The following MEIKIN variants were observed in gnomAD, a reference collection of about 807,000 sequenced individuals.
MEIKIN encodes the protein meiotic kinetochore factor.
chr5:131,855,573 G>A (rs550087612), intron 9 of MEIKIN, among the ~76,000 whole-genome samples: 6 of 151,582 alleles, frequency 4.0e-5, no homozygotes, highest in Non-Finnish European at 7.4e-5. Context: ...AGGAGATGAA[G>A]GAAGAGGTAG....
intron 12 of MEIKIN, among the ~76,000 whole-genome samples, chr5:131,809,393 G>A (rs1772910228): frequency 6.6e-6 from 1 of 152,202 alleles, no homozygotes; most frequent in Non-Finnish European, 1.5e-5. Flanking sequence ...TAGAACAATG[G>A]TTCTGTGTCA....
rs567755642 is a variant in MEIKIN at position 131,855,284 on chromosome 5, G to T, written c.775-450C>A. ...TGGAGCTGTGAAATATATGTAGCAA[G>T]GATAATTGGTTTAAAATATATAACG... On this transcript the variant is annotated intron_variant, in intron 9 of 12. Transcript: ENST00000442687. Among the ~76,000 whole-genome samples, 12 of 152,182 alleles carry T rather than the reference G, an allele frequency of 7.9e-5. No homozygotes were observed. The South Asian group carries it at 2.5e-3, about 32-fold the overall frequency.
intron 8 of MEIKIN, among the ~76,000 whole-genome samples, chr5:131,883,039 T>C (rs1262525311): frequency 6.6e-6 from 1 of 152,234 alleles, no homozygotes; most frequent in Non-Finnish European, 1.5e-5. Context: ...ATATATTTAT[T>C]TATCTGTTTA....
intron 5 of MEIKIN, among the ~76,000 whole-genome samples, chr5:131,931,320 A>G (rs1751687345): frequency 6.6e-6 from 1 of 152,226 alleles, no homozygotes; most frequent in Non-Finnish European, 1.5e-5. Context: ...CCGAGGGAGA[A>G]GCTGGAATCT....
intron 11 of MEIKIN, among the ~76,000 whole-genome samples, chr5:131,821,495 A>G (rs1455951301): frequency 6.6e-6 from 1 of 152,098 alleles, no homozygotes; most frequent in African/African-American, 2.4e-5. Flanking sequence ...ATGTTCTATA[A>G]ATATCTATTA....
intron 8 of MEIKIN, among the ~76,000 whole-genome samples, chr5:131,890,906 G>T (rs1163154817): frequency 6.6e-6 from 1 of 152,128 alleles, no homozygotes; most frequent in African/African-American, 2.4e-5. Flanking sequence ...CAGAGAGTCT[G>T]GTATTTTGTG....
intron 12 of MEIKIN, among the ~76,000 whole-genome samples, chr5:131,809,238 C>T (rs1025612784): frequency 5.3e-5 from 8 of 152,066 alleles, no homozygotes; most frequent in Non-Finnish European, 1.0e-4. Flanking sequence ...AATGAGTGAA[C>T]CAAATAACTG....
intron 8 of MEIKIN, 116 bp from the exon 9 acceptor site, chr5:131,879,164 A>G: frequency 2.5e-6 from 1 of 392,502 alleles, no homozygotes; most frequent in Non-Finnish European, 4.5e-6. Flanking sequence ...AAAACCCCTG[A>G]TTTTAATGAC....
At chr5:131,925,835 T>C (rs1019498141) in intron 5 of MEIKIN, among the ~76,000 whole-genome samples, 1 of 151,930 alleles carries the variant, frequency 6.6e-6, no homozygotes, top group African/African-American at 2.4e-5. Flanking sequence ...TGCTGGCTTA[T>C]TTTTGTATTT....
intron 11 of MEIKIN, among the ~76,000 whole-genome samples, chr5:131,844,814 T>TA (rs1439196929): frequency 2.0e-5 from 3 of 152,022 alleles, no homozygotes; most frequent in African/African-American, 4.8e-5. Flanking sequence ...GCTAAGACAT[T>TA]AAAAAACAAC....
intron 11 of MEIKIN, among the ~76,000 whole-genome samples, chr5:131,849,782 A>T (rs956500933): frequency 1.3e-5 from 2 of 151,952 alleles, no homozygotes; most frequent in African/African-American, 4.8e-5. Flanking sequence ...AAAGGCAAGG[A>T]TGTCTGCATT....
chr5:131,907,520 A>G (rs753650356), intron 8 of MEIKIN, among the ~76,000 whole-genome samples: 101 of 151,128 alleles, frequency 6.7e-4, no homozygotes, highest in Non-Finnish European at 1.2e-3. Flanking sequence ...ATTAGTATCT[A>G]CTATGAGCAA....
intron 7 of MEIKIN, among the ~76,000 whole-genome samples, chr5:131,912,709 G>A (rs1304868109): frequency 1.3e-5 from 2 of 152,058 alleles, no homozygotes; most frequent in African/African-American, 2.4e-5. Flanking sequence ...TGAACTTTCA[G>A]GTAGATTTCT....
intron 10 of MEIKIN, among the ~76,000 whole-genome samples, chr5:131,853,413 T>C (rs79490112): frequency 1.6e-3 from 237 of 152,252 alleles, no homozygotes; most frequent in African/African-American, 5.6e-3. Flanking sequence ...AAGAGGAACA[T>C]TGGATATTTG....
chr5:131,854,297 G>C (rs905026040), intron 10 of MEIKIN, among the ~76,000 whole-genome samples: 6 of 152,124 alleles, frequency 3.9e-5, no homozygotes, highest in Non-Finnish European at 8.8e-5. Context: ...CAAATTTATA[G>C]AAACAGAAAG....
intron 12 of MEIKIN, among the ~76,000 whole-genome samples, chr5:131,811,760 C>A (rs1359275297): frequency 2.0e-5 from 3 of 152,178 alleles, no homozygotes; most frequent in Non-Finnish European, 4.4e-5. Flanking sequence ...GTGCCCATCA[C>A]CACGCCCAGC....
intron 9 of MEIKIN, among the ~76,000 whole-genome samples, chr5:131,873,644 C>T (rs982475032): frequency 4.6e-5 from 7 of 152,186 alleles, no homozygotes; most frequent in Admixed American, 1.3e-4. Context: ...ATGCACCAAG[C>T]GGACCTAATA....
At chr5:131,943,421 C>A (rs1476802990) in intron 3 of MEIKIN, among the ~76,000 whole-genome samples, 1 of 152,172 alleles carries the variant, frequency 6.6e-6, no homozygotes, top group African/African-American at 2.4e-5. Flanking sequence ...GTGAGGTACA[C>A]AAAAACCTTC....
At chr5:131,858,461 A>C (rs1026912250) in intron 9 of MEIKIN, among the ~76,000 whole-genome samples, 1 of 152,214 alleles carries the variant, frequency 6.6e-6, no homozygotes, top group African/African-American at 2.4e-5. Context: ...TAAATGTAAG[A>C]CCTAAAACTA....
Sources: allele counts gnomAD v4.1 joint callset (sites outside exome capture counted in the v4.1 genomes callset), GRCh38; gene constraint gnomAD v4.1.1; transcripts MANE v1.5; gene names NCBI Gene and HGNC (gene_info 2026-07-23, HGNC 2026-07-21).